Variants in BTBD1 observed in about 807,000 individuals in gnomAD.
BTBD1 encodes BTB/POZ domain-containing protein 1.
A neutral mutation model predicts 48.0 loss-of-function variants in BTBD1; 34 were observed. The observed-to-expected ratio is 0.71, with a 90% confidence interval of 0.54 to 0.94. BTBD1 has a LOEUF of 0.94. Among genes scored for constraint, BTBD1 ranks in the 40% least tolerant of loss-of-function variants. The pLI is 0.00. For missense variants in BTBD1, 543 were observed against 625.6 expected (o/e 0.87, Z 1.41); for synonymous variants, 261 against 242.1 (o/e 1.08, Z -0.72).
chr15:83,049,926 C>A, intron 3 of BTBD1, 147 bp downstream of exon 3: 1 of 499,916 alleles, frequency 2.0e-6, no homozygotes, highest in Middle Eastern at 3.6e-4. Flanking sequence ...AATATTTTCA[C>A]CAAAACAAAA....
intron 5 of BTBD1, chr15:83,022,279 G>A (rs1567101598): frequency 6.7e-6 from 1 of 149,732 alleles, no homozygotes; most frequent in Non-Finnish European, 1.5e-5. Context: ...GTCTAGAACT[G>A]GTCTCAGATG....
intron 5 of BTBD1, among the ~76,000 whole-genome samples, chr15:83,025,295 T>C (rs547718550): frequency 7.0e-6 from 1 of 142,394 alleles, no homozygotes; most frequent in African/African-American, 2.7e-5. Context: ...GAGGCGGAGG[T>C]TGCAGTGAGC....
chr15:83,052,967 T>C (rs2151311552), intron 2 of BTBD1, among the ~76,000 whole-genome samples: 1 of 152,026 alleles, frequency 6.6e-6, no homozygotes, highest in Non-Finnish European at 1.5e-5. Flanking sequence ...AACTCAACTA[T>C]ATTTTTAGTT....
At chr15:83,035,011 G>C (rs926930443) in intron 4 of BTBD1, among the ~76,000 whole-genome samples, 2 of 152,082 alleles carry the variant, frequency 1.3e-5, no homozygotes, top group East Asian at 1.9e-4. Context: ...ACTACCGTAT[G>C]GGCCAGGCAC....
At chr15:83,053,338 T>C (rs2033027294) in intron 2 of BTBD1, among the ~76,000 whole-genome samples, 1 of 152,104 alleles carries the variant, frequency 6.6e-6, no homozygotes, top group Admixed American at 6.6e-5. Flanking sequence ...ATGGGCTAAT[T>C]CACATGACCC....
chr15:83,020,799 C>T, intron 5 of BTBD1, 37 bp from the exon 6 acceptor site: 1 of 1,282,220 alleles, frequency 7.8e-7, no homozygotes, highest in Non-Finnish European at 1.1e-6. Flanking sequence ...TATAATTAAT[C>T]CCATGTGTTC....
At chr15:83,050,672 C>T (rs1389014656) in intron 2 of BTBD1, among the ~76,000 whole-genome samples, 2 of 151,996 alleles carry the variant, frequency 1.3e-5, no homozygotes, top group African/African-American at 4.8e-5. Flanking sequence ...CACAACAGTG[C>T]AAATATCAGA....
intron 3 of BTBD1, among the ~76,000 whole-genome samples, chr15:83,046,040 G>A (rs2032871014): frequency 6.6e-6 from 1 of 152,002 alleles, no homozygotes; most frequent in African/African-American, 2.4e-5. Flanking sequence ...GAGAATATAA[G>A]ACAGCTATAA....
At chr15:83,052,631 A>T (rs1017749776) in intron 2 of BTBD1, among the ~76,000 whole-genome samples, 1 of 132,674 alleles carries the variant, frequency 7.5e-6, no homozygotes, top group Non-Finnish European at 1.6e-5. Context: ...ATATCAACAG[A>T]TTTTTTTTTT....
chr15:83,036,620 C>T (rs1439027302), intron 4 of BTBD1, among the ~76,000 whole-genome samples: 2 of 152,126 alleles, frequency 1.3e-5, no homozygotes, highest in Non-Finnish European at 2.9e-5. Flanking sequence ...CCAAATCACA[C>T]GTACAAGAAT....
Position 83,055,195 on chromosome 15 carries a change from T to C in BTBD1, c.558+1194A>G, listed in dbSNP as rs527301294. ...ATGCTAAATACTATATGTTAAGGAC[T>C]GGTTAAAGGTTCCACAGTTGTGTTC... is the stretch of plus-strand genomic sequence containing the variant. On this transcript the variant is annotated intron_variant, in intron 2 of 7. Transcript: ENST00000261721. Among the ~76,000 whole-genome samples the C allele has an allele frequency of 7.4e-4, 112 of 152,320 alleles. 1 individual carries two copies. Among genetic ancestry groups the C allele is most frequent in the African/African-American group, 2.5e-3 (105 of 41,566 alleles).
intron 1 of BTBD1, among the ~76,000 whole-genome samples, chr15:83,062,055 C>T (rs1035453400): frequency 6.6e-6 from 1 of 152,024 alleles, no homozygotes; most frequent in Non-Finnish European, 1.5e-5. Flanking sequence ...TAGAAGCAGG[C>T]ACTAAAACAA....
chr15:83,021,728 C>T lies in BTBD1; in HGVS notation c.1056-966G>A, dbSNP rs941246233. ...CGGCACTCCATCCTGGGTGACAGAG[C>T]GAGACTCCTTCTCAAATAATAATAA... is the stretch of plus-strand genomic sequence containing the variant. On this transcript the variant is annotated intron_variant, in intron 5 of 7. Coordinates refer to ENST00000261721, the MANE Select transcript of BTBD1 (RefSeq NM_025238.4). 4.6e-5 allele frequency among the ~76,000 whole-genome samples: 5 copies of T among 108,790 alleles called. No individual in the cohort carries two copies. In the East Asian group the frequency reaches 7.9e-4, roughly 17 times the overall value. The allele number at this position is 108,790 out of a possible 152,430, so 71.4% of individuals were successfully genotyped here. A position where few individuals can be genotyped will look rare whatever the true frequency, so the allele number is the denominator to read the frequency against.
intron 3 of BTBD1, among the ~76,000 whole-genome samples, chr15:83,049,366 C>G (rs549715769): frequency 6.6e-6 from 1 of 152,298 alleles, no homozygotes; most frequent in South Asian, 2.1e-4. Context: ...CCCCGCCAGG[C>G]GTCCATTTTT....
At chr15:83,042,002 A>G in intron 3 of BTBD1, 77 bp from the exon 4 acceptor site, 1 of 1,251,974 alleles carries the variant, frequency 8.0e-7, no homozygotes, top group Non-Finnish European at 1.1e-6. Flanking sequence ...AGACACACTT[A>G]TATTAAGTTT....
chr15:83,017,802 T>C lies in BTBD1; in HGVS notation c.*265A>G, dbSNP rs1466385039. On this transcript the variant is annotated 3_prime_UTR_variant, in exon 8 of 8. Transcript: ENST00000261721. ...ACCCTAAGTCAGCCAATCTATGAAA[T>C]TATACAAGATGAAGGTGAAAAAGCT... 1 of 206,386 alleles carries C rather than the reference T, an allele frequency of 4.8e-6. No homozygotes were observed. Among genetic ancestry groups the C allele is most frequent in the Non-Finnish European group, 9.6e-6 (1 of 104,384 alleles). The allele number at this position is 206,386 out of a possible 1,614,324, so 12.8% of individuals were successfully genotyped here. A position where few individuals can be genotyped will look rare whatever the true frequency, so the allele number is the denominator to read the frequency against.
chr15:83,039,849 C>A (rs2032711132), intron 4 of BTBD1, among the ~76,000 whole-genome samples: 2 of 151,232 alleles, frequency 1.3e-5, no homozygotes, highest in African/African-American at 2.4e-5. Flanking sequence ...GTCAACCCAG[C>A]AATCCCATTA....
At position 83,067,244 on chromosome 15, in the gene BTBD1, G is replaced by C. The variant is rs931667153; in HGVS notation, c.-93C>G. ...GGCCGGCGCTGCCTCCCTGCCTTCC[G>C]GGAAAGGCGCTTCCGGGGGCCTCGC... On this transcript the variant is annotated 5_prime_UTR_variant, in exon 1 of 8. Transcript: ENST00000261721. 41 of 1,246,026 alleles carry C rather than the reference G, an allele frequency of 3.3e-5. No homozygotes were observed. The highest frequency in any genetic ancestry group is 2.5e-4 in the African/African-American group (16 of 63,628). The allele number at this position is 1,246,026 out of a possible 1,614,324, so 77.2% of individuals were successfully genotyped here.
chr15:83,042,357 T>A (rs1476237721), intron 3 of BTBD1, among the ~76,000 whole-genome samples: 1 of 121,684 alleles, frequency 8.2e-6, no homozygotes, highest in Admixed American at 8.2e-5. Context: ...TTTATATATA[T>A]ATATATATAT....
Sources: gnomAD v4.1 joint callset for allele counts (sites outside exome capture counted in the v4.1 genomes callset) on GRCh38, gnomAD v4.1.1 for gene constraint, MANE v1.5 for transcripts, NCBI Gene and HGNC (gene_info 2026-07-23, HGNC 2026-07-21) for gene names.